CWF19L2: variants seen among roughly 807,000 people sequenced by gnomAD.
CWF19L2 encodes CWF19 like cell cycle control factor 2.
In CWF19L2, 98 loss-of-function variants were observed where a neutral mutation model predicts 111.7. That is an observed-to-expected ratio of 0.88 (90% CI 0.75 to 1.04). CWF19L2 has a LOEUF of 1.04. Ranked by LOEUF, CWF19L2 falls within the 50% of genes least tolerant of loss-of-function variation. The pLI is 0.00. For missense variants in CWF19L2, 1,101 were observed against 1,051.4 expected, an observed-to-expected ratio of 1.05 and a Z score of -0.65; for synonymous variants, 351 against 342.9, an observed-to-expected ratio of 1.02 and a Z score of -0.26.
intron 4 of CWF19L2, 85 bp downstream of exon 4, chr11:107,442,854 G>C: frequency 4.5e-6 from 3 of 660,464 alleles, no homozygotes; most frequent in Non-Finnish European, 7.9e-6. Flanking sequence ...GAGGGAGGGA[G>C]GGATAGAGAG....
intron 17 of CWF19L2, 112 bp from the exon 18 acceptor site, chr11:107,327,165 A>T: frequency 9.1e-7 from 1 of 1,102,232 alleles, no homozygotes; most frequent in Non-Finnish European, 1.3e-6. Context: ...TCTCCATGAC[A>T]ATGTTCAAGC....
intron 14 of CWF19L2, among the ~76,000 whole-genome samples, chr11:107,337,509 T>C (rs983364412): frequency 6.6e-6 from 1 of 152,036 alleles, no homozygotes; most frequent in Non-Finnish European, 1.5e-5. Context: ...TGACACCCCC[T>C]GTAGTACAGG....
intron 17 of CWF19L2, among the ~76,000 whole-genome samples, chr11:107,327,863 C>T (rs970009972): frequency 1.3e-5 from 2 of 152,148 alleles, no homozygotes; most frequent in Admixed American, 6.6e-5. Flanking sequence ...TCAAATTCTG[C>T]ATAGTCGGTC....
intron 14 of CWF19L2, among the ~76,000 whole-genome samples, chr11:107,342,089 C>CTTTT (rs1860013094): frequency 6.6e-6 from 1 of 151,314 alleles, no homozygotes; most frequent in African/African-American, 2.4e-5. Flanking sequence ...TATTTCTGTC[C>CTTTT]TTTTGCTTGC....
At chr11:107,349,433 C>T (rs1860127085) in intron 13 of CWF19L2, among the ~76,000 whole-genome samples, 1 of 152,108 alleles carries the variant, frequency 6.6e-6, no homozygotes, top group Non-Finnish European at 1.5e-5. Context: ...AACAAAAAGA[C>T]ACATGGCCTG....
At chr11:107,351,240 T>C (rs575635257) in intron 13 of CWF19L2, among the ~76,000 whole-genome samples, 1 of 152,156 alleles carries the variant, frequency 6.6e-6, no homozygotes, top group Non-Finnish European at 1.5e-5. Flanking sequence ...CATGAATATA[T>C]TCTGAAATAT....
At chr11:107,406,239 A>G (rs1861075663) in intron 10 of CWF19L2, among the ~76,000 whole-genome samples, 1 of 152,254 alleles carries the variant, frequency 6.6e-6, no homozygotes, top group African/African-American at 2.4e-5. Context: ...AGATTTTCCT[A>G]TCAGTGGTCT....
At chr11:107,428,712 C>G in intron 8 of CWF19L2, 87 bp downstream of exon 8, 1 of 1,029,220 alleles carries the variant, frequency 9.7e-7, no homozygotes, top group Non-Finnish European at 1.4e-6. Context: ...ATCATAGTCA[C>G]AGCTAATAAC....
rs374125646 is a variant in CWF19L2, at chr11:107,330,064, G to C, written c.2440-45C>G. The C allele has an allele frequency of 7.8e-5, 95 of 1,222,824 alleles. 1 individual carries two copies. The South Asian group carries it at 8.0e-4, about 10-fold the overall frequency. 75.7% of individuals were successfully genotyped at this position (1,222,824 alleles called of 1,614,324 possible). A position where few individuals can be genotyped will look rare whatever the true frequency, so the allele number is the denominator to read the frequency against. ...ACAAATGGAATACAGTATGAAACCA[G>C]AAAGTTATGTTTAATCCCTCCCCTC... is the stretch of plus-strand genomic sequence containing the variant. On this transcript the variant is annotated intron_variant, in intron 16 of 17. Transcript: ENST00000282251.
intron 9 of CWF19L2, 92 bp downstream of exon 9, chr11:107,418,102 C>T (rs1297908069): frequency 1.3e-6 from 1 of 795,998 alleles, no homozygotes; most frequent in Non-Finnish European, 2.2e-6. Context: ...TCACAGTGTG[C>T]TATATCCACA....
Position 107,418,188 on chromosome 11 carries a change from T to C in CWF19L2, c.1527+6A>G, listed in dbSNP as rs754048918. The C allele has an allele frequency of 6.5e-7, 1 of 1,542,022 alleles. No homozygotes were observed. The highest frequency in any genetic ancestry group is 9.0e-7 in the Non-Finnish European group (1 of 1,114,380). ...TATTCTCTAAAGCAACATCTAAGAG[T>C]CTTACCATATTCCCCATCATCTCTG... On this transcript the variant is annotated splice_donor_region_variant and intron_variant, in intron 9 of 17. Transcript: ENST00000282251.
chr11:107,379,151 A>G (rs988838680), intron 12 of CWF19L2, among the ~76,000 whole-genome samples: 3 of 152,258 alleles, frequency 2.0e-5, no homozygotes, highest in Non-Finnish European at 4.4e-5. Context: ...AGAGACAATT[A>G]TAAGTATTAT....
chr11:107,362,871 C>T (rs1860377616), intron 12 of CWF19L2, among the ~76,000 whole-genome samples: 1 of 151,974 alleles, frequency 6.6e-6, no homozygotes, highest in Non-Finnish European at 1.5e-5. Flanking sequence ...GATCAAATTA[C>T]TCCGACCTAC....
At chr11:107,452,137 TAA>T (rs375313038) in intron 3 of CWF19L2, among the ~76,000 whole-genome samples, 73 of 152,158 alleles carry the variant, frequency 4.8e-4, no homozygotes, top group African/African-American at 1.3e-3. Context: ...AAGAAAAAAG[TAA>T]AAGTCTTTTT....
intron 10 of CWF19L2, among the ~76,000 whole-genome samples, chr11:107,399,964 G>A (rs954164169): frequency 3.3e-5 from 5 of 152,142 alleles, no homozygotes; most frequent in African/African-American, 9.7e-5. Flanking sequence ...GCTCCTGAAT[G>A]AGCACTGGGT....
chr11:107,348,817 C>A, intron 14 of CWF19L2, 120 bp downstream of exon 14: 1 of 523,366 alleles, frequency 1.9e-6, no homozygotes, highest in Non-Finnish European at 3.5e-6. Context: ...TGAAAACACA[C>A]GTGTTTAAGT....
chr11:107,425,179 A>AAC (rs138792527), intron 8 of CWF19L2, among the ~76,000 whole-genome samples: 33,515 of 144,760 alleles, frequency 0.23, 3,707 homozygotes, highest in East Asian at 0.33. Context: ...CTCTCTTTGA[A>AAC]ACACACACAC....
At position 107,392,835 on chromosome 11, in the gene CWF19L2, C is replaced by A. The variant is rs775105752; in HGVS notation, c.1678G>T (p.Val560Leu). ...TCCAGAGATTTTCCGGGTGTGTTCA[C>A]AGGCCATACTCTTCCAGACTGATCT... ...RTDQSGRVWP[V>L]NTPGKSLESQ... The change falls in exon 11 of 18, where the codon GTG becomes TTG. Residue 560 changes from valine (V) to leucine (L), a missense_variant. Coordinates refer to ENST00000282251, the MANE Select transcript of CWF19L2 (RefSeq NM_152434.3). 2 of 1,595,860 alleles carry A rather than the reference C, an allele frequency of 1.3e-6. No individual in the cohort carries two copies. Among genetic ancestry groups the A allele is most frequent in the Non-Finnish European group, 1.7e-6 (2 of 1,173,996 alleles).
chr11:107,395,584 T>C (rs891557823), intron 10 of CWF19L2, among the ~76,000 whole-genome samples: 1 of 152,258 alleles, frequency 6.6e-6, no homozygotes, highest in African/African-American at 2.4e-5. Flanking sequence ...CACCATAGTC[T>C]AAATAGTGAA....
Sources: allele counts gnomAD v4.1 joint callset (sites outside exome capture counted in the v4.1 genomes callset), GRCh38; gene constraint gnomAD v4.1.1; transcripts MANE v1.5; gene names NCBI Gene and HGNC (gene_info 2026-07-23, HGNC 2026-07-21).